Variants in TMEM181 observed in about 807,000 individuals in gnomAD.
TMEM181 encodes the protein G protein-coupled receptor 178.
TMEM181 carries 39 observed loss-of-function variants against 71.9 expected under a neutral mutation model. That is an observed-to-expected ratio of 0.54 (90% CI 0.42 to 0.71). The LOEUF is 0.71. Among genes scored for constraint, TMEM181 ranks in the 30% least tolerant of loss-of-function variants. The pLI, the probability that TMEM181 is intolerant of heterozygous loss-of-function variation, is 0.00. For synonymous variants in TMEM181, 245 were observed against 228.8 expected (o/e 1.07, Z -0.64); for missense variants, 595 against 583.0 (o/e 1.02, Z -0.21).
At chr6:158,605,157 T>TGTGTGTGG in intron 6 of TMEM181, 110 bp from the exon 7 acceptor site, 1 of 656,330 alleles carries the variant, frequency 1.5e-6, no homozygotes, top group Non-Finnish European at 2.7e-6. Flanking sequence ...TGTGTGTGTG[T>TGTGTGTGG]GTATGTGTAT....
At chr6:158,606,974 G>A (rs1438672742) in intron 7 of TMEM181, among the ~76,000 whole-genome samples, 3 of 152,180 alleles carry the variant, frequency 2.0e-5, no homozygotes, top group African/African-American at 7.2e-5. Context: ...CAGGGATTAC[G>A]TTCCTTCTCC....
Position 158,627,852 on chromosome 6 carries a change from G to C in TMEM181, c.1110-556G>C, listed in dbSNP as rs553416684. 2.0e-5 allele frequency among the ~76,000 whole-genome samples: 3 copies of C among 152,206 alleles called. No individual in the cohort carries two copies. In the South Asian group the frequency reaches 6.2e-4, roughly 31 times the overall value. On this transcript the variant is annotated intron_variant, in intron 13 of 16. Transcript: ENST00000684151. The stretch of plus-strand genomic sequence containing the variant: ...CATGTGGGAGGTGAGGTGGAAGGCA[G>C]GTGGGGGAGGAGCCTGTGGACCTGT...
chr6:158,547,718 C>A (rs1272911060), intron 1 of TMEM181, among the ~76,000 whole-genome samples: 1 of 151,904 alleles, frequency 6.6e-6, no homozygotes, highest in Non-Finnish European at 1.5e-5. Flanking sequence ...GCCCCCCAGG[C>A]CCCCTTGGTC....
chr6:158,541,218 C>T (rs1255744485), intron 1 of TMEM181, among the ~76,000 whole-genome samples: 2 of 151,970 alleles, frequency 1.3e-5, no homozygotes, highest in Admixed American at 6.6e-5. Flanking sequence ...GAGTTCGAGA[C>T]CAGCCTGGCC....
At position 158,588,870 on chromosome 6, in the gene TMEM181, C is replaced by T. The variant is rs900015788; in HGVS notation, c.382-802C>T. ...CCTATTAGAAAGCCAGAGAACCACC[C>T]GTTTGCTCTGGGCAGCAGCAGGATG... On this transcript the variant is annotated intron_variant, in intron 5 of 16. Transcript: ENST00000684151. Among the ~76,000 whole-genome samples the T allele has an allele frequency of 2.0e-4, 30 of 152,202 alleles. 2 individuals are homozygous for T. Among genetic ancestry groups the T allele is most frequent in the African/African-American group, 1.9e-4 (8 of 41,452 alleles).
Position 158,560,120 on chromosome 6 carries a change from C to A in TMEM181, c.-105C>A. ...TTTCCGCGGCCGGCCGCTGCTCAGC[C>A]GCTGTCGCTCCGGCTCCGGCTGCGG... On this transcript the variant is annotated 5_prime_UTR_variant, in exon 1 of 17. Transcript: ENST00000684151. 7 of 984,968 alleles carry A rather than the reference C, an allele frequency of 7.1e-6. No individual in the cohort carries two copies. The South Asian group carries it at 2.3e-4, about 33-fold the overall frequency. The allele number at this position is 984,968 out of a possible 1,614,324, so 61.0% of individuals were successfully genotyped here. A position where few individuals can be genotyped will look rare whatever the true frequency, so the allele number is the denominator to read the frequency against.
chr6:158,548,958 T>C (rs1050146775), intron 1 of TMEM181, among the ~76,000 whole-genome samples: 1 of 152,222 alleles, frequency 6.6e-6, no homozygotes. Context: ...TTGTGAGTGA[T>C]GGCCTTGCTG....
At chr6:158,559,136 C>A (rs1582937937), upstream of TMEM181, among the ~76,000 whole-genome samples, 1 of 152,048 alleles carries the variant, frequency 6.6e-6, no homozygotes, top group East Asian at 1.9e-4. Context: ...CTAATATCCA[C>A]CTCACCCTCC....
At position 158,625,724 on chromosome 6, in the gene TMEM181, C is replaced by CT; in HGVS notation, c.1080dup (p.Ala361CysfsTer10). The CT allele has an allele frequency of 1.2e-6, 2 of 1,610,720 alleles. No homozygotes were observed. Among genetic ancestry groups the CT allele is most frequent in the Non-Finnish European group, 1.7e-6 (2 of 1,179,226 alleles). ...TCAGATCTCAGGTTGAAATTTTTGA[C>CT]TGCATTGACTTTCGTAGTACTTGTC... is the stretch of plus-strand genomic sequence containing the variant. On this transcript the variant is annotated frameshift_variant, in exon 13 of 17. Transcript: ENST00000684151. LOFTEE classifies it high-confidence loss of function.
intron 14 of TMEM181, among the ~76,000 whole-genome samples, chr6:158,629,231 A>G (rs747137363): frequency 1.3e-5 from 2 of 152,198 alleles, no homozygotes; most frequent in Non-Finnish European, 2.9e-5. Context: ...ATGAATTAAT[A>G]TACGATTTTT....
At chr6:158,592,165 C>A (rs577772431) in intron 6 of TMEM181, among the ~76,000 whole-genome samples, 9 of 152,178 alleles carry the variant, frequency 5.9e-5, no homozygotes, top group Non-Finnish European at 1.3e-4. Context: ...CCCCAGCAGC[C>A]AGCATAGGGC....
chr6:158,625,321 C>A, intron 12 of TMEM181, 115 bp downstream of exon 12: 2 of 885,906 alleles, frequency 2.3e-6, no homozygotes, highest in Non-Finnish European at 3.7e-6. Flanking sequence ...AGGGACTGGT[C>A]CATTCCCACA....
upstream of TMEM181, among the ~76,000 whole-genome samples, chr6:158,557,504 A>ATTT (rs1781938462): frequency 7.1e-6 from 1 of 140,228 alleles, no homozygotes; most frequent in East Asian, 2.1e-4. Flanking sequence ...TCACAGCTGT[A>ATTT]ATTATTTATT....
In TMEM181 at chr6:158,589,751, T is replaced by G; in HGVS notation, c.461T>G (p.Leu154Arg). ...QYTVIVGFEH[L>R]KLPIKGMNFT... ...ACAGTGATAGTGGGATTTGAACACC[T>G]GAAGCTCCCCATCAAGGGAATGAAC... Residue 154 changes from leucine (L) to arginine (R), a missense_variant, in exon 6 of 17, where the codon CTG (leucine) becomes CGG (arginine). Leu to Arg is a moderately radical substitution (Grantham distance 102). Transcript: ENST00000684151. 1.9e-6 allele frequency: 3 copies of G among 1,614,068 alleles called. No homozygotes were observed. Among genetic ancestry groups the G allele is most frequent in the Non-Finnish European group, 2.5e-6 (3 of 1,179,914 alleles).
At chr6:158,540,408 CG>C (rs751054535) in intron 1 of TMEM181, among the ~76,000 whole-genome samples, 94 of 152,266 alleles carry the variant, frequency 6.2e-4, no homozygotes, top group Middle Eastern at 3.4e-3. Flanking sequence ...CATCAGAAGA[CG>C]TACTAAAAAG....
intron 6 of TMEM181, among the ~76,000 whole-genome samples, chr6:158,600,591 C>T (rs1332631488): frequency 6.6e-6 from 1 of 151,304 alleles, no homozygotes; most frequent in Non-Finnish European, 1.5e-5. Flanking sequence ...CTGCCTCAGC[C>T]TCCCAAGTAG....
intron 13 of TMEM181, chr6:158,628,126 A>AG: frequency 1.7e-6 from 1 of 584,798 alleles, no homozygotes; most frequent in South Asian, 1.6e-5. Flanking sequence ...GGCCCCGAGT[A>AG]GGGAGAGTGT....
At chr6:158,546,145 G>T (rs1199984273) in intron 1 of TMEM181, among the ~76,000 whole-genome samples, 5 of 152,184 alleles carry the variant, frequency 3.3e-5, no homozygotes, top group Non-Finnish European at 7.3e-5. Flanking sequence ...CATCTGGAAA[G>T]GTCAAGCATG....
At chr6:158,546,066 A>G (rs1250599064) in intron 1 of TMEM181, among the ~76,000 whole-genome samples, 5 of 152,154 alleles carry the variant, frequency 3.3e-5, no homozygotes, top group Non-Finnish European at 5.9e-5. Context: ...TCTGATGTAT[A>G]AACCCATGCT....
Sources: gnomAD v4.1 joint callset for allele counts (sites outside exome capture counted in the v4.1 genomes callset) on GRCh38, gnomAD v4.1.1 for gene constraint, MANE v1.5 for transcripts, NCBI Gene and HGNC (gene_info 2026-07-23, HGNC 2026-07-21) for gene names.